PTPRU: variants seen among roughly 807,000 people sequenced by gnomAD.
PTPRU encodes the protein protein tyrosine phosphatase receptor type U.
PTPRU carries 69 observed loss-of-function variants against 166.3 expected under a neutral mutation model. The ratio of observed to expected loss-of-function variants is 0.41; its 90% CI spans 0.34 to 0.51. The LOEUF is 0.51. Ranked by LOEUF, PTPRU falls within the 20% of genes least tolerant of loss-of-function variation. The probability of loss-of-function intolerance (pLI) is 0.09; values close to 1 mark genes in which losing one functional copy is unlikely to be tolerated. For synonymous variants in PTPRU, 793 were observed against 814.0 expected (o/e 0.97, Z 0.44); for missense variants, 1,657 against 2,013.7 (o/e 0.82, Z 3.39).
At chr1:29,270,324 T>C (rs1685505214) in intron 7 of PTPRU, among the ~76,000 whole-genome samples, 1 of 152,124 alleles carries the variant, frequency 6.6e-6, no homozygotes, top group African/African-American at 2.4e-5. Flanking sequence ...TGTTTCTTTT[T>C]TTGACAGAGC....
At chr1:29,259,392 C>G (rs542962533) in intron 4 of PTPRU, 50 bp downstream of exon 4, 2 of 1,608,866 alleles carry the variant, frequency 1.2e-6, no homozygotes, top group East Asian at 4.5e-5. Context: ...TGGGCGGCCG[C>G]GGCTCCTGCC....
chr1:29,245,659 C>CATCCTGCCATG (rs1405235995), intron 1 of PTPRU, among the ~76,000 whole-genome samples: 17 of 151,778 alleles, frequency 1.1e-4, no homozygotes, highest in African/African-American at 1.7e-4. Flanking sequence ...ACCGTGCCTC[C>CATCCTGCCATG]ATCCTGCCAT....
At position 29,283,732 on chromosome 1, in the gene PTPRU, C is replaced by T. The variant is rs967674047; in HGVS notation, c.2143-208C>T. The T allele has an allele frequency of 2.2e-5, 13 of 597,088 alleles. No individual in the cohort carries two copies. The African/African-American group carries it at 2.2e-4, about 10-fold the overall frequency. The allele number at this position is 597,088 out of a possible 1,614,324, so 37.0% of individuals were successfully genotyped here. Reference sequence around the variant, plus strand: ...TTTCTCTTTTGCCTCCGATCTCATCCCCCTTTCCTAAGGCACTGCAGGTGC... The same window carrying T: ...TTTCTCTTTTGCCTCCGATCTCATCTCCCTTTCCTAAGGCACTGCAGGTGC... On this transcript the variant is annotated intron_variant, in intron 12 of 29. Coordinates refer to ENST00000373779, the MANE Select transcript of PTPRU (RefSeq NM_133178.4).
At position 29,271,888 on chromosome 1, in the gene PTPRU, G is replaced by T. The variant is rs1023009597; in HGVS notation, c.1145-3560G>T. Among the ~76,000 whole-genome samples the T allele has an allele frequency of 1.3e-5, 2 of 152,216 alleles. No individual in the cohort carries two copies. The highest frequency in any genetic ancestry group is 2.9e-5 in the Non-Finnish European group (2 of 68,036). On this transcript the variant is annotated intron_variant, in intron 7 of 29. Coordinates refer to ENST00000373779, the MANE Select transcript of PTPRU (RefSeq NM_133178.4). This position sits in a 1 kb window ranked among gnomAD's most constrained non-coding sequence, Gnocchi z 4.4. ...GAAAGGAATGCAGGGCAGCATTCCA[G>T]GGGGTGGGGATGGTGTGAGCTGAGC...
At chr1:29,261,832 T>C (rs1028677007) in intron 7 of PTPRU, among the ~76,000 whole-genome samples, 1 of 152,166 alleles carries the variant, frequency 6.6e-6, no homozygotes, top group Non-Finnish European at 1.5e-5. Flanking sequence ...CGTGCCTGGC[T>C]TAGTGTGTTT....
At chr1:29,246,288 T>C (rs1684294319) in intron 1 of PTPRU, among the ~76,000 whole-genome samples, 1 of 152,274 alleles carries the variant, frequency 6.6e-6, no homozygotes, top group Admixed American at 6.5e-5. Context: ...ATGGTATCTG[T>C]AGGCTGGCGT....
intron 13 of PTPRU, among the ~76,000 whole-genome samples, chr1:29,284,217 G>C (rs1686236286): frequency 6.6e-6 from 1 of 152,180 alleles, no homozygotes; most frequent in South Asian, 2.1e-4. Context: ...TTGGGCCTTG[G>C]GGGTGATGGG....
chr1:29,239,083 C>T (rs929903117), intron 1 of PTPRU, among the ~76,000 whole-genome samples: 4 of 152,210 alleles, frequency 2.6e-5, no homozygotes, highest in African/African-American at 9.7e-5. Context: ...TATTAGGTGT[C>T]AAATTCTGCC....
Position 29,271,671 on chromosome 1 carries a change from C to T in PTPRU, c.1145-3777C>T, listed in dbSNP as rs1237713166. ...ATGGGAGGATCTGGCAACTCTGAACCTGTAGTCCTGCCTGGCAACAGTCAT... is the reference window on the plus strand; with the variant it reads ...ATGGGAGGATCTGGCAACTCTGAACTTGTAGTCCTGCCTGGCAACAGTCAT... On this transcript the variant is annotated intron_variant, in intron 7 of 29. Transcript: ENST00000373779. This position sits in a 1 kb window ranked among gnomAD's most constrained non-coding sequence, Gnocchi z 4.4. 6.6e-6 allele frequency among the ~76,000 whole-genome samples: 1 copy of T among 152,194 alleles called. No homozygotes were observed. The highest frequency in any genetic ancestry group is 1.9e-4 in the East Asian group (1 of 5,206).
chr1:29,240,748 G>A (rs970524020), intron 1 of PTPRU, among the ~76,000 whole-genome samples: 4 of 152,160 alleles, frequency 2.6e-5, no homozygotes, highest in Non-Finnish European at 5.9e-5. Flanking sequence ...CTGGCAGTTG[G>A]TGAGACGTTG....
chr1:29,315,302 CTCT>C lies in PTPRU; in HGVS notation c.3228-63_3228-61del. The stretch of plus-strand genomic sequence containing the variant: ...GTGTAGACATGGCCAGTGCCCTCCT[CTCT>C]TCTTCTCCTTAGTCCCGGGCTTCCT... On this transcript the variant is annotated intron_variant, in intron 22 of 29. Transcript: ENST00000373779. This position sits in a 1 kb window ranked among gnomAD's most constrained non-coding sequence, Gnocchi z 4.5. 3 of 1,592,040 alleles carry C rather than the reference CTCT, an allele frequency of 1.9e-6. No individual in the cohort carries two copies. The highest frequency in any genetic ancestry group is 2.6e-6 in the Non-Finnish European group (3 of 1,164,256).
intron 24 of PTPRU, among the ~76,000 whole-genome samples, chr1:29,316,912 A>G (rs1687925069): frequency 6.6e-6 from 1 of 151,980 alleles, no homozygotes; most frequent in African/African-American, 2.4e-5. Context: ...CATGGCTGAG[A>G]TGGGAAAAGG....
intron 7 of PTPRU, among the ~76,000 whole-genome samples, chr1:29,274,271 C>T (rs528319409): frequency 2.0e-5 from 3 of 151,792 alleles, no homozygotes; most frequent in East Asian, 3.9e-4. Flanking sequence ...GAACTCCTGA[C>T]CTTGTGATCC....
rs948456510 is a variant in PTPRU at position 29,259,998 on chromosome 1, C to T, written c.804C>T (p.Ala268=). 2 of 1,505,012 alleles carry T rather than the reference C, an allele frequency of 1.3e-6. No homozygotes were observed. The highest frequency in any genetic ancestry group is 1.5e-5 in the African/African-American group (1 of 68,858). 93.2% of individuals were successfully genotyped at this position (1,505,012 alleles called of 1,614,324 possible). A position where few individuals can be genotyped will look rare whatever the true frequency, so the allele number is the denominator to read the frequency against. The change falls in exon 6 of 30, where the codon GCC becomes GCT. Residue 268 remains alanine (A), a synonymous_variant. Transcript: ENST00000373779. ...ACCTGTACCGCTGTGTGTCCCAGGC[C>T]CCGCGCGGCGCGGGCGTCTCTAACT... is the stretch of plus-strand genomic sequence containing the variant. ...EQDLYRCVSQ[A]PRGAGVSNFA...
chr1:29,312,154 C>T (rs759484187), intron 21 of PTPRU, among the ~76,000 whole-genome samples: 5 of 152,208 alleles, frequency 3.3e-5, no homozygotes, highest in Admixed American at 1.3e-4. Context: ...GTCCTGTCCA[C>T]GATCCCATTT....
chr1:29,325,484 G>T (rs1435470054), intron 29 of PTPRU, 115 bp from the exon 30 acceptor site: 2 of 1,507,322 alleles, frequency 1.3e-6, no homozygotes, highest in Admixed American at 1.7e-5. Context: ...CCTTCTCCCC[G>T]AGGGCGGGCC....
chr1:29,302,047 C>T (rs573736537), intron 15 of PTPRU, among the ~76,000 whole-genome samples: 7 of 151,924 alleles, frequency 4.6e-5, no homozygotes, highest in African/African-American at 9.7e-5. Context: ...ATGACGGCTA[C>T]GTGTGTGTTA....
chr1:29,300,427 TCA>T (rs754422030), intron 15 of PTPRU, among the ~76,000 whole-genome samples: 5 of 152,244 alleles, frequency 3.3e-5, no homozygotes, highest in Non-Finnish European at 5.9e-5. Flanking sequence ...AACCAGAATT[TCA>T]CAGACTCCTT....
rs376805421 is a variant in PTPRU at position 29,320,725 on chromosome 1, C to T, written c.3728C>T (p.Pro1243Leu). The change falls in exon 26 of 30, where the codon CCG (proline) becomes CTG (leucine). Residue 1243 changes from proline (P) to leucine (L), a missense_variant. Transcript: ENST00000373779. This position sits in a 1 kb window ranked among gnomAD's most constrained non-coding sequence, Gnocchi z 5.2. ...GCGGCCTTCATCGTGACCCTGCACC[C>T]GCTGCAGAGCACCACGCCCGACTTC... ...RSAAFIVTLH[P>L]LQSTTPDFWR... 5 of 1,607,442 alleles carry T rather than the reference C, an allele frequency of 3.1e-6. No homozygotes were observed. The highest frequency in any genetic ancestry group is 4.5e-5 in the East Asian group (2 of 44,624).
Sources: allele counts gnomAD v4.1 joint callset (sites outside exome capture counted in the v4.1 genomes callset), GRCh38; gene constraint gnomAD v4.1.1; non-coding constraint Gnocchi (gnomAD v3.1); transcripts MANE v1.5; gene names NCBI Gene and HGNC (gene_info 2026-07-23, HGNC 2026-07-21).